Variants in PPP1R16B observed in about 807,000 individuals in gnomAD.
The protein encoded by PPP1R16B is protein phosphatase 1 regulatory subunit 16B, also known as protein phosphatase 1 regulatory inhibitor subunit 16B.
PPP1R16B carries 14 observed loss-of-function variants against 61.7 expected under a neutral mutation model. The observed-to-expected ratio is 0.23, with a 90% CI of 0.15 to 0.35. The LOEUF (loss-of-function observed/expected upper bound fraction) is 0.35. Among genes scored for constraint, PPP1R16B ranks in the 10% least tolerant of loss-of-function variants. The pLI, the probability that PPP1R16B is intolerant of heterozygous loss-of-function variation, is 1.00. For missense variants in PPP1R16B, 547 were observed against 752.5 expected, an observed-to-expected ratio of 0.73 and a Z score of 3.19; for synonymous variants, 266 against 305.3, an observed-to-expected ratio of 0.87 and a Z score of 1.34.
chr20:38,826,091 G>A (rs898536364), intron 1 of PPP1R16B, among the ~76,000 whole-genome samples: 1 of 152,198 alleles, frequency 6.6e-6, no homozygotes, highest in Non-Finnish European at 1.5e-5. Flanking sequence ...TACCCGATGT[G>A]AAGGGCCATC....
intron 2 of PPP1R16B, among the ~76,000 whole-genome samples, chr20:38,869,222 G>A (rs1030739235): frequency 7.9e-5 from 12 of 151,838 alleles, no homozygotes; most frequent in African/African-American, 2.7e-4. Flanking sequence ...CGGGTGGCAC[G>A]ATCTTGGCTC....
intron 2 of PPP1R16B, among the ~76,000 whole-genome samples, chr20:38,865,646 G>A (rs2085085758): frequency 1.3e-5 from 2 of 152,150 alleles, no homozygotes; most frequent in Non-Finnish European, 2.9e-5. Context: ...TCCTGCACAG[G>A]TGGGCTCCAC....
rs2084661909 is a variant in PPP1R16B at position 38,806,433 on chromosome 20, C to T, written c.-102+641C>T. ...GGTAGTTCCCCGGGAGGGGCGCGCC[C>T]GGCCTCTCCCAGGGCCCCGTGCGCC... On this transcript the variant is annotated intron_variant, in intron 1 of 10. Coordinates refer to ENST00000299824, the MANE Select transcript of PPP1R16B (RefSeq NM_015568.4). This position sits in a 1 kb window ranked among gnomAD's most constrained non-coding sequence, Gnocchi z 4.5. Among the ~76,000 whole-genome samples the T allele has an allele frequency of 6.6e-6, 1 of 152,156 alleles. No individual in the cohort carries two copies. Among genetic ancestry groups the T allele is most frequent in the Non-Finnish European group, 1.5e-5 (1 of 68,010 alleles).
At chr20:38,837,554 T>C (rs1022339020) in intron 2 of PPP1R16B, among the ~76,000 whole-genome samples, 1 of 151,086 alleles carries the variant, frequency 6.6e-6, no homozygotes, top group Admixed American at 6.6e-5. Flanking sequence ...TTTTCTTTTT[T>C]TTTTTGAGAC....
intron 1 of PPP1R16B, among the ~76,000 whole-genome samples, chr20:38,808,601 A>G (rs2084677543): frequency 8.8e-6 from 1 of 113,908 alleles, no homozygotes; most frequent in Non-Finnish European, 1.8e-5. Context: ...TTAGGGATCT[A>G]TACCTAAAAG....
intron 2 of PPP1R16B, among the ~76,000 whole-genome samples, chr20:38,851,501 A>G (rs1601256208): frequency 6.6e-6 from 1 of 152,140 alleles, no homozygotes; most frequent in Non-Finnish European, 1.5e-5. Context: ...AAAACTTAGA[A>G]GACGATTTCT....
intron 2 of PPP1R16B, 50 bp downstream of exon 2, chr20:38,836,225 C>A: frequency 1.3e-6 from 2 of 1,570,224 alleles, no homozygotes; most frequent in South Asian, 1.2e-5. Flanking sequence ...GGCCTCTGAT[C>A]AGGGTTTGGA....
At chr20:38,847,131 G>T (rs1224359460) in intron 2 of PPP1R16B, among the ~76,000 whole-genome samples, 1 of 152,226 alleles carries the variant, frequency 6.6e-6, no homozygotes, top group Non-Finnish European at 1.5e-5. Flanking sequence ...CTACCAGAGA[G>T]GTTGTATCAG....
At chr20:38,866,606 G>A (rs1383335360) in intron 2 of PPP1R16B, among the ~76,000 whole-genome samples, 1 of 152,126 alleles carries the variant, frequency 6.6e-6, no homozygotes, top group Non-Finnish European at 1.5e-5. Flanking sequence ...TTTTCCCATG[G>A]AGGGGATACA....
chr20:38,810,744 C>T (rs2084695642), intron 1 of PPP1R16B, among the ~76,000 whole-genome samples: 2 of 152,128 alleles, frequency 1.3e-5, no homozygotes, highest in Non-Finnish European at 2.9e-5. Context: ...CATACCAATC[C>T]GTTGAAATGA....
At chr20:38,853,753 T>C (rs1244245191) in intron 2 of PPP1R16B, among the ~76,000 whole-genome samples, 1 of 152,206 alleles carries the variant, frequency 6.6e-6, no homozygotes, top group Non-Finnish European at 1.5e-5. Context: ...TGGTTCTGCC[T>C]GGGCTCACTC....
rs749543531 is a variant in PPP1R16B, at chr20:38,835,892, G to A, written c.-34G>A. On this transcript the variant is annotated 5_prime_UTR_variant, in exon 2 of 11. It removes the in-frame stop codon of an upstream open reading frame in the 5' UTR. Transcript: ENST00000299824. The stretch of plus-strand genomic sequence containing the variant: ...CCCTGGCCCCCGGTGCACCGTGCTA[G>A]CCCCCAGCCAGGGCGTTGGGGAGGG... 1.3e-6 allele frequency: 2 copies of A among 1,513,082 alleles called. No individual in the cohort carries two copies. The highest frequency in any genetic ancestry group is 1.8e-6 in the Non-Finnish European group (2 of 1,133,424). 93.7% of individuals were successfully genotyped at this position (1,513,082 alleles called of 1,614,324 possible).
chr20:38,819,130 T>C (rs1201130704), intron 1 of PPP1R16B, among the ~76,000 whole-genome samples: 1 of 152,202 alleles, frequency 6.6e-6, no homozygotes, highest in Admixed American at 6.5e-5. Context: ...TGGGCTTCAG[T>C]GTCAAAGCCA....
intron 6 of PPP1R16B, among the ~76,000 whole-genome samples, chr20:38,903,579 G>GTCCATCCATCCATCCATCCA (rs1158511381): frequency 1.0e-5 from 1 of 97,390 alleles, no homozygotes; most frequent in Admixed American, 1.1e-4. Flanking sequence ...CCGTCCGTCC[G>GTCCATCCATCCATCCATCCA]TCCATCCATC....
At chr20:38,858,774 T>A (rs1420199774) in intron 2 of PPP1R16B, among the ~76,000 whole-genome samples, 1 of 152,146 alleles carries the variant, frequency 6.6e-6, no homozygotes, top group Non-Finnish European at 1.5e-5. Context: ...TAGGGAGGTG[T>A]CCTGGTTCTC....
At chr20:38,846,055 T>C (rs534657514) in intron 2 of PPP1R16B, among the ~76,000 whole-genome samples, 1 of 152,222 alleles carries the variant, frequency 6.6e-6, no homozygotes, top group South Asian at 2.1e-4. Context: ...CTTGAACATC[T>C]AGGTGGATGA....
chr20:38,910,866 G>A (rs941442394), intron 10 of PPP1R16B, among the ~76,000 whole-genome samples: 4 of 152,054 alleles, frequency 2.6e-5, no homozygotes, highest in Middle Eastern at 3.4e-3. Flanking sequence ...ATGGTGGCAC[G>A]CGTCTGTAGT....
In PPP1R16B at chr20:38,921,864, C is replaced by A. The variant is rs1207688498; in HGVS notation, c.*3198C>A. On this transcript the variant is annotated 3_prime_UTR_variant, in exon 11 of 11. Coordinates refer to ENST00000299824, the MANE Select transcript of PPP1R16B (RefSeq NM_015568.4). Reference sequence around the variant, plus strand: ...TTGCTGCTTCCTTCAGCATCAAAGCCTTTCCTTGGGAATCTGCCTCCCTCC... The same window carrying A: ...TTGCTGCTTCCTTCAGCATCAAAGCATTTCCTTGGGAATCTGCCTCCCTCC... 6.6e-6 allele frequency: 1 copy of A among 152,252 alleles called. No individual in the cohort carries two copies. The highest frequency in any genetic ancestry group is 2.4e-5 in the African/African-American group (1 of 41,468). The allele number at this position is 152,252 out of a possible 1,614,324, so 9.4% of individuals were successfully genotyped here. A position where few individuals can be genotyped will look rare whatever the true frequency, so the allele number is the denominator to read the frequency against.
intron 2 of PPP1R16B, among the ~76,000 whole-genome samples, chr20:38,869,276 A>G (rs2145743236): frequency 6.6e-6 from 1 of 152,134 alleles, no homozygotes; most frequent in South Asian, 2.1e-4. Context: ...CTCGTGCCTC[A>G]GCCTCCCGAG....
Sources: gnomAD v4.1 joint callset for allele counts (sites outside exome capture counted in the v4.1 genomes callset) on GRCh38, gnomAD v4.1.1 for gene constraint, Gnocchi (gnomAD v3.1) non-coding constraint, MANE v1.5 for transcripts, NCBI Gene and HGNC (gene_info 2026-07-23, HGNC 2026-07-21) for gene names.